Variants in PTPRN2 observed in about 807,000 individuals in gnomAD.
The protein encoded by PTPRN2 is receptor-type tyrosine-protein phosphatase N2.
Under a neutral mutation model 118.8 loss-of-function variants are expected in PTPRN2, and 74 were observed. The observed-to-expected ratio is 0.62, with a 90% confidence interval of 0.52 to 0.76. The LOEUF (loss-of-function observed/expected upper bound fraction) is 0.76, where lower values mean the gene tolerates loss of function less well. Among genes scored for constraint, PTPRN2 ranks in the 30% least tolerant of loss-of-function variants. The pLI is 0.00. For missense variants in PTPRN2, 1,481 were observed against 1,394.4 expected (o/e 1.06, Z -0.99); for synonymous variants, 641 against 608.0 (o/e 1.05, Z -0.80).
Position 157,782,015 on chromosome 7 carries a change from T to G in PTPRN2, c.1789-99078A>C, listed in dbSNP as rs538870534. Among the ~76,000 whole-genome samples, 3 of 152,326 alleles carry G rather than the reference T, an allele frequency of 2.0e-5. No individual in the cohort carries two copies. In the South Asian group the frequency reaches 6.2e-4, roughly 32 times the overall value. On this transcript the variant is annotated intron_variant, in intron 12 of 22. Transcript: ENST00000389418. ...CAAGCTTGCCACAGACGGGAGTAGG[T>G]TCCCAGGTGCGGGCACACAGGTATG... is the stretch of plus-strand genomic sequence containing the variant.
intron 2 of PTPRN2, among the ~76,000 whole-genome samples, chr7:158,478,262 T>C (rs1387362736): frequency 4.6e-5 from 7 of 152,218 alleles, no homozygotes. Context: ...CCAGCACTCC[T>C]GCAGGTGCAC....
At chr7:157,758,339 T>C (rs1801929123) in intron 12 of PTPRN2, among the ~76,000 whole-genome samples, 1 of 152,220 alleles carries the variant, frequency 6.6e-6, no homozygotes, top group Non-Finnish European at 1.5e-5. Context: ...AGGCGGCTCC[T>C]TCAGTGAAGT....
At chr7:158,297,015 T>C (rs931529210) in intron 3 of PTPRN2, among the ~76,000 whole-genome samples, 37 of 152,176 alleles carry the variant, frequency 2.4e-4, no homozygotes, top group African/African-American at 8.9e-4. Flanking sequence ...GGGGGCAACA[T>C]TTGGAATGTC....
At chr7:158,373,658 C>T (rs1443773868) in intron 2 of PTPRN2, among the ~76,000 whole-genome samples, 1 of 152,234 alleles carries the variant, frequency 6.6e-6, no homozygotes, top group Non-Finnish European at 1.5e-5. Flanking sequence ...GTGATTCATC[C>T]ATCTTTGAAA....
intron 12 of PTPRN2, among the ~76,000 whole-genome samples, chr7:157,817,971 T>C (rs1806529902): frequency 6.6e-6 from 1 of 151,978 alleles, no homozygotes. Flanking sequence ...TGTGTGCCTG[T>C]TTGTACATGT....
At chr7:158,270,832 A>ACC (rs1491217373) in intron 3 of PTPRN2, among the ~76,000 whole-genome samples, 7 of 5,170 alleles carry the variant, frequency 1.4e-3, no homozygotes, top group Admixed American at 2.9e-3. Context: ...CTCCACCTGG[A>ACC]TGACCCCCTC....
chr7:158,021,591 C>A (rs1563335421), intron 11 of PTPRN2, among the ~76,000 whole-genome samples: 1 of 152,040 alleles, frequency 6.6e-6, no homozygotes, highest in Non-Finnish European at 1.5e-5. Context: ...TGTGAGGACA[C>A]AGCCAGAAGG....
At chr7:158,378,468 C>G (rs1869290) in intron 2 of PTPRN2, among the ~76,000 whole-genome samples, 149,106 of 152,324 alleles carry the variant, frequency 0.98, 72,992 homozygotes, top group East Asian at 1. Flanking sequence ...GGTGACCACA[C>G]GCCTGCATCC....
At chr7:158,380,035 A>AT (rs1810847548) in intron 2 of PTPRN2, among the ~76,000 whole-genome samples, 1 of 152,130 alleles carries the variant, frequency 6.6e-6, no homozygotes, top group Admixed American at 6.6e-5. Context: ...CTATGATTCG[A>AT]TTACCTTCCA....
chr7:158,094,604 G>C (rs1427886804), intron 10 of PTPRN2, among the ~76,000 whole-genome samples: 1 of 152,106 alleles, frequency 6.6e-6, no homozygotes. Flanking sequence ...ACTGCTCCCG[G>C]CCCCCATCTG....
chr7:158,237,946 T>C (rs945791206), intron 3 of PTPRN2, among the ~76,000 whole-genome samples: 2 of 152,142 alleles, frequency 1.3e-5, no homozygotes, highest in Non-Finnish European at 2.9e-5. Context: ...GCGGCTGCCA[T>C]GGAGATACAC....
intron 3 of PTPRN2, among the ~76,000 whole-genome samples, chr7:158,242,891 CTATT>C (rs908055144): frequency 2.6e-5 from 4 of 152,144 alleles, no homozygotes; most frequent in Non-Finnish European, 4.4e-5. Context: ...ATTTCTGATT[CTATT>C]TATTTGAGTC....
At position 157,582,937 on chromosome 7, in the gene PTPRN2, C is replaced by T. The variant is rs551401177; in HGVS notation, c.2497-4797G>A. ...GTATGGAGAGCCTCAAACAATTACA[C>T]AGAACCACTGTGTGATCCAGCAATC... On this transcript the variant is annotated intron_variant, in intron 17 of 22. Transcript: ENST00000389418. Among the ~76,000 whole-genome samples the T allele has an allele frequency of 1.8e-4, 27 of 151,620 alleles. No individual in the cohort carries two copies. In the South Asian group the frequency reaches 4.8e-3, roughly 27 times the overall value.
intron 2 of PTPRN2, among the ~76,000 whole-genome samples, chr7:158,442,489 G>A (rs954688594): frequency 2.0e-5 from 3 of 152,092 alleles, no homozygotes; most frequent in Non-Finnish European, 4.4e-5. Flanking sequence ...TGGATGCTAC[G>A]TATCAGTATT....
chr7:158,340,814 AT>A, intron 2 of PTPRN2, among the ~76,000 whole-genome samples: 1 of 28,804 alleles, frequency 3.5e-5, no homozygotes, highest in Non-Finnish European at 8.5e-5. Flanking sequence ...ACACCCACAC[AT>A]GTCACTCACA....
rs1287162389 is a variant in PTPRN2, at chr7:158,192,395, G to T, written c.481C>A (p.Leu161Met). Residue 161 changes from leucine (L) to methionine (M), a missense_variant, in exon 5 of 23, where the codon CTG becomes ATG. Leu to Met is a conservative substitution (Grantham distance 15). Around this residue, in one of 3 missense-constraint regions of PTPRN2, gnomAD observed 1,115 missense variants for 994.2 expected, o/e 1.12. Coordinates refer to ENST00000389418, the MANE Select transcript of PTPRN2 (RefSeq NM_002847.5). ...ACGTCTGAGGCTGGGGCCTGGGACA[G>T]GGCCTCCAGGAAGGGCAGGTGGCGT... is the stretch of plus-strand genomic sequence containing the variant. ...LRRHLPFLEA[L>M]SQAPASDVLA... The T allele has an allele frequency of 6.5e-7, 1 of 1,533,484 alleles. No individual in the cohort carries two copies. The highest frequency in any genetic ancestry group is 8.7e-7 in the Non-Finnish European group (1 of 1,151,242). The allele number at this position is 1,533,484 out of a possible 1,614,324, so 95.0% of individuals were successfully genotyped here.
At chr7:157,624,951 T>A (rs547562308) in intron 14 of PTPRN2, among the ~76,000 whole-genome samples, 121 of 152,008 alleles carry the variant, frequency 8.0e-4, no homozygotes, top group Non-Finnish European at 1.5e-3. Context: ...AAAGAAGATA[T>A]ACAAATGACC....
chr7:158,081,251 T>C lies in PTPRN2; in HGVS notation c.1723+47A>G, dbSNP rs369077260. 44 of 1,447,138 alleles carry C rather than the reference T, an allele frequency of 3.0e-5. No individual in the cohort carries two copies. The African/African-American group carries it at 3.2e-4, about 11-fold the overall frequency. 89.6% of individuals were successfully genotyped at this position (1,447,138 alleles called of 1,614,324 possible). ...GTGCGTGTTTGCGTGCGTGTGTGTG[T>C]GCACACACGTGTGTGTGCGTGTACG... is the stretch of plus-strand genomic sequence containing the variant. On this transcript the variant is annotated intron_variant, in intron 11 of 22. Coordinates refer to ENST00000389418, the MANE Select transcript of PTPRN2 (RefSeq NM_002847.5).
chr7:157,767,327 T>C (rs948424115), intron 12 of PTPRN2, among the ~76,000 whole-genome samples: 1 of 152,176 alleles, frequency 6.6e-6, no homozygotes, highest in African/African-American at 2.4e-5. Context: ...AAGGAGGGGT[T>C]TCCCTGTTCC....
Sources: allele counts gnomAD v4.1 joint callset (sites outside exome capture counted in the v4.1 genomes callset), GRCh38; gene constraint gnomAD v4.1.1; regional missense constraint gnomAD v4.1.1; transcripts MANE v1.5; gene names NCBI Gene and HGNC (gene_info 2026-07-23, HGNC 2026-07-21).